The following RABGAP1L variants were observed in gnomAD, a reference collection of about 807,000 sequenced individuals.
RABGAP1L encodes RAB GTPase activating protein 1 like, also known as rab GTPase-activating protein 1-like.
A neutral mutation model predicts 137.7 loss-of-function variants in RABGAP1L; 63 were observed. That is an observed-to-expected ratio of 0.46 (90% CI 0.37 to 0.56). RABGAP1L has a LOEUF of 0.56. Among genes scored for constraint, RABGAP1L ranks in the 20% least tolerant of loss-of-function variants. The pLI is 0.00. For synonymous variants in RABGAP1L, 431 were observed against 433.7 expected, an observed-to-expected ratio of 0.99 and a Z score of 0.08; for missense variants, 1,095 against 1,244.0, an observed-to-expected ratio of 0.88 and a Z score of 1.80.
At position 174,259,837 on chromosome 1, in the gene RABGAP1L, AT is replaced by A. The variant is rs57110611; in HGVS notation, c.986+7262del. 2.3e-3 allele frequency among the ~76,000 whole-genome samples: 325 copies of A among 140,334 alleles called. 1 individual carries two copies. Among genetic ancestry groups the A allele is most frequent in the Middle Eastern group, 7.4e-3 (2 of 270 alleles). The allele number at this position is 140,334 out of a possible 152,430, so 92.1% of individuals were successfully genotyped here. A position where few individuals can be genotyped will look rare whatever the true frequency, so the allele number is the denominator to read the frequency against. ...AGGAAGGTACTGTTATTATTACTGC[AT>A]TTTTTTTTTTTTTTGAGACAGAGTC... is the stretch of plus-strand genomic sequence containing the variant. On this transcript the variant is annotated intron_variant, in intron 7 of 25. Transcript: ENST00000681986.
At chr1:174,325,681 A>C (rs1558133676) in intron 11 of RABGAP1L, among the ~76,000 whole-genome samples, 1 of 152,186 alleles carries the variant, frequency 6.6e-6, no homozygotes, top group African/African-American at 2.4e-5. Context: ...CCTTCACAGG[A>C]GGCTCACTTC....
chr1:174,545,975 T>C (rs1665975002), intron 13 of RABGAP1L: 1 of 152,176 alleles, frequency 6.6e-6, no homozygotes, highest in Non-Finnish European at 1.5e-5. Context: ...ATTTTAGCAT[T>C]AAAGTAGAAA....
intron 17 of RABGAP1L, among the ~76,000 whole-genome samples, chr1:174,739,701 C>G (rs551034930): frequency 5.9e-5 from 9 of 152,320 alleles, no homozygotes; most frequent in African/African-American, 1.9e-4. Flanking sequence ...AATCAGGAAA[C>G]TTGTCATTCC....
chr1:174,871,095 A>G (rs1026272523), intron 19 of RABGAP1L, among the ~76,000 whole-genome samples: 4 of 151,920 alleles, frequency 2.6e-5, no homozygotes, highest in Non-Finnish European at 5.9e-5. Flanking sequence ...TTACTAGATT[A>G]CAAAATCTGT....
intron 11 of RABGAP1L, among the ~76,000 whole-genome samples, chr1:174,336,498 T>C (rs1681476040): frequency 6.6e-6 from 1 of 152,204 alleles, no homozygotes; most frequent in South Asian, 2.1e-4. Context: ...GAAAAGATAA[T>C]CATATAGTGC....
chr1:174,287,901 C>T (rs1359418036), intron 10 of RABGAP1L, among the ~76,000 whole-genome samples: 2 of 151,890 alleles, frequency 1.3e-5, no homozygotes, highest in African/African-American at 2.4e-5. Context: ...TCCTTTGTTC[C>T]TTTCTTTCTC....
chr1:174,979,408 TATTGGTTGTTTACAGTGTTGGGTAG>T (rs1336895479), intron 23 of RABGAP1L, among the ~76,000 whole-genome samples: 1 of 152,198 alleles, frequency 6.6e-6, no homozygotes, highest in Non-Finnish European at 1.5e-5. Context: ...CAAAACAATC[TATTGGTTGTTTACAGTGTTGGGTAG>T]ATTTAGAGGA....
intron 13 of RABGAP1L, among the ~76,000 whole-genome samples, chr1:174,521,757 T>C (rs528127710): frequency 1.3e-5 from 2 of 152,116 alleles, no homozygotes; most frequent in South Asian, 2.1e-4. Context: ...AACTCAGAAA[T>C]TGGAAACACT....
At chr1:174,418,953 G>A (rs145021352) in intron 13 of RABGAP1L, among the ~76,000 whole-genome samples, 9 of 152,112 alleles carry the variant, frequency 5.9e-5, no homozygotes, top group African/African-American at 1.9e-4. Flanking sequence ...CAGGAGAATC[G>A]CTTGAACCTA....
chr1:174,627,066 T>C (rs12065527), intron 13 of RABGAP1L, among the ~76,000 whole-genome samples: 37 of 151,830 alleles, frequency 2.4e-4, no homozygotes, highest in Non-Finnish European at 4.6e-4. Context: ...ATAATACTTA[T>C]AAAGTTGAAA....
chr1:174,617,710 G>A (rs1475958704), intron 13 of RABGAP1L, among the ~76,000 whole-genome samples: 1 of 152,150 alleles, frequency 6.6e-6, no homozygotes, highest in African/African-American at 2.4e-5. Flanking sequence ...GATCCTGAAG[G>A]ATTTTTAAAA....
chr1:174,779,236 A>T (rs77891661), intron 18 of RABGAP1L, among the ~76,000 whole-genome samples: 3,439 of 152,284 alleles, frequency 0.023, 123 homozygotes, highest in African/African-American at 0.079. Flanking sequence ...TATAATACTG[A>T]GCCTTCCTAG....
chr1:174,191,033 G>T (rs764721522), intron 1 of RABGAP1L, among the ~76,000 whole-genome samples: 1 of 152,112 alleles, frequency 6.6e-6, no homozygotes, highest in Non-Finnish European at 1.5e-5. Context: ...AGATAGGTGC[G>T]GTTTGTGGCA....
chr1:174,903,913 G>A (rs934507829), intron 19 of RABGAP1L, among the ~76,000 whole-genome samples: 38 of 150,112 alleles, frequency 2.5e-4, no homozygotes, highest in African/African-American at 9.4e-4. Flanking sequence ...TCGCGCCATT[G>A]CACTCCAGCC....
At chr1:174,599,212 G>C (rs1670231033) in intron 13 of RABGAP1L, among the ~76,000 whole-genome samples, 1 of 152,114 alleles carries the variant, frequency 6.6e-6, no homozygotes, top group African/African-American at 2.4e-5. Flanking sequence ...AAAAGCAGAA[G>C]GAAAACTAAT....
chr1:174,259,152 G>C (rs1377214929), intron 7 of RABGAP1L, among the ~76,000 whole-genome samples: 1 of 151,906 alleles, frequency 6.6e-6, no homozygotes, highest in African/African-American at 2.4e-5. Context: ...TGCATCCAAG[G>C]GTTTAAGGGT....
At chr1:174,471,089 G>A (rs1048202473) in intron 13 of RABGAP1L, among the ~76,000 whole-genome samples, 1 of 152,068 alleles carries the variant, frequency 6.6e-6, no homozygotes, top group Non-Finnish European at 1.5e-5. Context: ...CAATACAAGG[G>A]CAGTTCAGCT....
chr1:174,372,581 C>T (rs1253964988), intron 12 of RABGAP1L, among the ~76,000 whole-genome samples: 3 of 152,100 alleles, frequency 2.0e-5, no homozygotes, highest in Non-Finnish European at 4.4e-5. Context: ...TTAATTCTCT[C>T]TAGTTATCGT....
intron 17 of RABGAP1L, 30 bp downstream of exon 17, chr1:174,702,286 A>G (rs1453552667): frequency 1.3e-6 from 2 of 1,542,030 alleles, no homozygotes; most frequent in Non-Finnish European, 1.8e-6. Context: ...TCACTAAGCC[A>G]AAATAGAAAG....
Sources: gnomAD v4.1 joint callset for allele counts (sites outside exome capture counted in the v4.1 genomes callset) on GRCh38, gnomAD v4.1.1 for gene constraint, MANE v1.5 for transcripts, NCBI Gene and HGNC (gene_info 2026-07-23, HGNC 2026-07-21) for gene names.